Variants in MIOS observed in about 807,000 individuals in gnomAD.
MIOS encodes GATOR2 complex protein MIOS.
MIOS carries 52 observed loss-of-function variants against 96.9 expected under a neutral mutation model. The ratio of observed to expected loss-of-function variants is 0.54; its 90% CI spans 0.43 to 0.68. MIOS has a LOEUF of 0.68. Ranked by LOEUF, MIOS falls within the 30% of genes least tolerant of loss-of-function variation. The pLI is 0.00. For missense variants in MIOS, 1,005 were observed against 1,052.8 expected, an observed-to-expected ratio of 0.95 and a Z score of 0.63; for synonymous variants, 397 against 359.5, an observed-to-expected ratio of 1.10 and a Z score of -1.18.
At chr7:7,569,403 A>G (rs996818294) in intron 3 of MIOS, among the ~76,000 whole-genome samples, 5 of 152,230 alleles carry the variant, frequency 3.3e-5, no homozygotes, top group African/African-American at 9.7e-5. Flanking sequence ...TGCCCAATCA[A>G]TAGTCACAGA....
At chr7:7,601,916 A>G (rs980012751) in intron 11 of MIOS, among the ~76,000 whole-genome samples, 7 of 152,202 alleles carry the variant, frequency 4.6e-5, no homozygotes, top group Admixed American at 2.0e-4. Flanking sequence ...GGCTGGTTCA[A>G]CATACGAAAA....
rs1175666562 is a variant in MIOS, at chr7:7,607,137, G to GT, written c.*46dup. ...AACCCTTCAAGTGTGGAGCTTTCTA[G>GT]TAGGTGTCCTTCATAGCTCAGAAAC... On this transcript the variant is annotated 3_prime_UTR_variant, in exon 13 of 13. Coordinates refer to ENST00000340080, the MANE Select transcript of MIOS (RefSeq NM_019005.4). The GT allele has an allele frequency of 6.9e-7, 1 of 1,459,462 alleles. No individual in the cohort carries two copies. Among genetic ancestry groups the GT allele is most frequent in the Non-Finnish European group, 9.5e-7 (1 of 1,056,372 alleles). 90.4% of individuals were successfully genotyped at this position (1,459,462 alleles called of 1,614,324 possible).
chr7:7,601,399 G>A lies in MIOS; in HGVS notation c.2402-4543G>A, dbSNP rs183780362. Among the ~76,000 whole-genome samples, 883 of 151,972 alleles carry A rather than the reference G, an allele frequency of 5.8e-3. 5 individuals carry two copies. Among genetic ancestry groups the A allele is most frequent in the African/African-American group, 0.02 (826 of 41,418 alleles). On this transcript the variant is annotated intron_variant, in intron 11 of 12. Transcript: ENST00000340080. ...AAATGACAAAGGGGATATCACCACC[G>A]ATCCCACAGAAATACAAACTACCAT...
chr7:7,573,667 G>C lies in MIOS; in HGVS notation c.1192G>C (p.Ala398Pro). Residue 398 changes from alanine (A) to proline (P), a missense_variant, in exon 4 of 13, where the codon GCT (alanine) becomes CCT (proline). Transcript: ENST00000340080. The surrounding 1 kb of genome is among the most constrained non-coding windows in gnomAD (Gnocchi z 5.0). Reference sequence around the variant, plus strand: ...TATAGCAACGAAGATGCGTCTTCGGGCTTTATCAAGGTATGGACTTGATAC... The same window carrying C: ...TATAGCAACGAAGATGCGTCTTCGGCCTTTATCAAGGTATGGACTTGATAC... Reference protein sequence around the residue: ...KDIATKMRLRALSRYGLDTEQ... With the variant: ...KDIATKMRLRPLSRYGLDTEQ... The C allele has an allele frequency of 6.2e-7, 1 of 1,613,940 alleles. No homozygotes were observed. Among genetic ancestry groups the C allele is most frequent in the Non-Finnish European group, 8.5e-7 (1 of 1,179,938 alleles).
rs768445178 is a variant in MIOS at position 7,607,002 on chromosome 7, T to G, written c.2538T>G (p.His846Gln). 1.2e-6 allele frequency: 2 copies of G among 1,610,658 alleles called. No homozygotes were observed. ...ATTTGACCTATTTTTTTAGGGACCA[T>G]GCAGAGTGCCCTGTGTCGGCATGCA... ...AGHMLSWFRDHAECPVSACTC... is the reference protein window; with the variant it reads ...AGHMLSWFRDQAECPVSACTC... The change falls in exon 13 of 13, where the codon CAT becomes CAG. Residue 846 changes from histidine to glutamine, a missense_variant. Coordinates refer to ENST00000340080, the MANE Select transcript of MIOS (RefSeq NM_019005.4).
intron 5 of MIOS, among the ~76,000 whole-genome samples, chr7:7,578,412 C>T (rs1287185200): frequency 1.3e-5 from 2 of 152,144 alleles, no homozygotes; most frequent in African/African-American, 4.8e-5. Flanking sequence ...ACAGTTCCGG[C>T]TACTCAGGAG....
intron 3 of MIOS, among the ~76,000 whole-genome samples, chr7:7,569,494 G>A (rs570245472): frequency 1.3e-5 from 2 of 152,328 alleles, no homozygotes; most frequent in East Asian, 3.9e-4. Flanking sequence ...GGAAGCATGA[G>A]GAAATAGGTA....
intron 9 of MIOS, among the ~76,000 whole-genome samples, chr7:7,589,794 A>G (rs1783997370): frequency 6.6e-6 from 1 of 152,176 alleles, no homozygotes; most frequent in African/African-American, 2.4e-5. Flanking sequence ...TCTTGACTGC[A>G]TCTGAATTTA....
chr7:7,597,305 G>A (rs965200846), intron 11 of MIOS, among the ~76,000 whole-genome samples: 13 of 143,872 alleles, frequency 9.0e-5, no homozygotes, highest in African/African-American at 2.8e-4. Flanking sequence ...CAGCCTGGGC[G>A]ACAGAGCAAG....
At chr7:7,574,258 C>G (rs1278779734) in intron 5 of MIOS, 62 bp downstream of exon 5, 2 of 1,273,190 alleles carry the variant, frequency 1.6e-6, no homozygotes, top group East Asian at 2.5e-5. Flanking sequence ...TTATTTTGCC[C>G]CCTGTCATTT....
At chr7:7,591,357 G>C (rs1473396126) in intron 9 of MIOS, among the ~76,000 whole-genome samples, 1 of 147,106 alleles carries the variant, frequency 6.8e-6, no homozygotes, top group Non-Finnish European at 1.5e-5. Context: ...GTGGATCTCA[G>C]CTCATTGCAG....
At chr7:7,590,829 C>T (rs1170014237) in intron 9 of MIOS, among the ~76,000 whole-genome samples, 1 of 152,200 alleles carries the variant, frequency 6.6e-6, no homozygotes, top group Non-Finnish European at 1.5e-5. Flanking sequence ...CCTGACACAT[C>T]ATGCTTTCTT....
intron 11 of MIOS, among the ~76,000 whole-genome samples, chr7:7,600,652 G>C (rs946552220): frequency 2.0e-5 from 3 of 152,140 alleles, no homozygotes; most frequent in East Asian, 1.9e-4. Flanking sequence ...ACATTAGACA[G>C]ATCAACGAGG....
chr7:7,597,517 T>TATATATATAAAAAAA (rs372634070), intron 11 of MIOS, among the ~76,000 whole-genome samples: 1 of 70,428 alleles, frequency 1.4e-5, no homozygotes, highest in Non-Finnish European at 2.7e-5. Context: ...TATATATATA[T>TATATATATAAAAAAA]GAAGGCAATA....
At chr7:7,588,660 A>ATAAGCTAATTCTTCTAAAAAGTATGG (rs1440139629) in intron 8 of MIOS, 97 bp downstream of exon 8, 59 of 636,168 alleles carry the variant, frequency 9.3e-5, no homozygotes, top group Non-Finnish European at 1.3e-4. Flanking sequence ...TATGAGATTG[A>ATAAGCTAATTCTTCTAAAAAGTATGG]TAAGCTAATT....
rs369487853 is a variant in MIOS at position 7,596,290 on chromosome 7, A to G, written c.2230A>G (p.Ile744Val). The G allele has an allele frequency of 5.4e-5, 87 of 1,613,756 alleles. No homozygotes were observed. The highest frequency in any genetic ancestry group is 6.7e-5 in the East Asian group (3 of 44,854). Residue 744 changes from isoleucine to valine, a missense_variant, in exon 11 of 13, where the codon ATC becomes GTC. By Grantham distance (29) the Ile-to-Val change is conservative. Around this residue, in one of 3 missense-constraint regions of MIOS, gnomAD observed 865 missense variants for 887.9 expected, o/e 0.97. Coordinates refer to ENST00000340080, the MANE Select transcript of MIOS (RefSeq NM_019005.4). Reference sequence around the variant, plus strand: ...GAGTTGCAATTTCTGTGGCAAGTCAATCTCCTACAGCTGTTCAGCTGTGCC... The same window carrying G: ...GAGTTGCAATTTCTGTGGCAAGTCAGTCTCCTACAGCTGTTCAGCTGTGCC... Reference protein sequence around the residue: ...FVSCNFCGKSISYSCSAVPHQ... With the variant: ...FVSCNFCGKSVSYSCSAVPHQ...
rs945936327 is a variant in MIOS at position 7,607,103 on chromosome 7, C to T, written c.*11C>T. On this transcript the variant is annotated 3_prime_UTR_variant, in exon 13 of 13. Transcript: ENST00000340080. ...ACTGTCCAGCCATAAAATGTTACCA[C>T]CTTAAGAGAACCCTTCAAGTGTGGA... 2 of 1,598,322 alleles carry T rather than the reference C, an allele frequency of 1.3e-6. No individual in the cohort carries two copies. The highest frequency in any genetic ancestry group is 1.7e-6 in the Non-Finnish European group (2 of 1,171,098).
intron 9 of MIOS, among the ~76,000 whole-genome samples, chr7:7,591,845 T>C (rs1329510964): frequency 6.6e-6 from 1 of 152,190 alleles, no homozygotes; most frequent in Non-Finnish European, 1.5e-5. Context: ...AATATTTTTT[T>C]CTGCCTCAAT....
chr7:7,573,855 C>G lies in MIOS; in HGVS notation c.1294+86C>G, dbSNP rs1041373466. ...CAAAAGGTCAGTCTGTAAATATGCTCAATGTTTTATATACAAATACAAGTT... is the reference window on the plus strand; with the variant it reads ...CAAAAGGTCAGTCTGTAAATATGCTGAATGTTTTATATACAAATACAAGTT... On this transcript the variant is annotated intron_variant, in intron 4 of 12. Coordinates refer to ENST00000340080, the MANE Select transcript of MIOS (RefSeq NM_019005.4). The surrounding 1 kb of genome is among the most constrained non-coding windows in gnomAD (Gnocchi z 5.0). 1.6e-6 allele frequency: 2 copies of G among 1,233,454 alleles called. No individual in the cohort carries two copies. Among genetic ancestry groups the G allele is most frequent in the African/African-American group, 1.5e-5 (1 of 66,056 alleles). 76.4% of individuals were successfully genotyped at this position (1,233,454 alleles called of 1,614,324 possible).
Sources: allele counts gnomAD v4.1 joint callset (sites outside exome capture counted in the v4.1 genomes callset), GRCh38; gene constraint gnomAD v4.1.1; regional missense constraint gnomAD v4.1.1; non-coding constraint Gnocchi (gnomAD v3.1); transcripts MANE v1.5; gene names NCBI Gene and HGNC (gene_info 2026-07-23, HGNC 2026-07-21).